CAST: variants seen among roughly 807,000 people sequenced by gnomAD.
CAST encodes the protein MIR583 host.
A neutral mutation model predicts 119.6 loss-of-function variants in CAST; 76 were observed. The observed-to-expected ratio is 0.64, with a 90% CI of 0.53 to 0.77. The LOEUF is 0.77. Ranked by LOEUF, CAST falls within the 30% of genes least tolerant of loss-of-function variation. The pLI, the probability that CAST is intolerant of heterozygous loss-of-function variation, is 0.00. For missense variants in CAST, 953 were observed against 946.5 expected, an observed-to-expected ratio of 1.01 and a Z score of -0.09; for synonymous variants, 319 against 331.6, an observed-to-expected ratio of 0.96 and a Z score of 0.41.
intron 1 of CAST, among the ~76,000 whole-genome samples, chr5:96,654,440 CA>C (rs1274486094): frequency 3.6e-4 from 55 of 152,140 alleles, no homozygotes; most frequent in Middle Eastern, 3.4e-3. Context: ...ATAATGAAAG[CA>C]AAAAAACCTC....
At chr5:96,615,862 A>C (rs1437559514) in intron 1 of CAST, among the ~76,000 whole-genome samples, 1 of 152,142 alleles carries the variant, frequency 6.6e-6, no homozygotes, top group African/African-American at 2.4e-5. Context: ...AAGGAGTATT[A>C]ACTCACATGG....
chr5:96,466,232 C>T, the CAST span, among the ~76,000 whole-genome samples: 1 of 152,110 alleles, frequency 6.6e-6, no homozygotes, highest in Non-Finnish European at 1.5e-5. Context: ...CTTTGTCCTT[C>T]TCTCCCCTCC....
chr5:96,221,779 A>T, the CAST span, among the ~76,000 whole-genome samples: 1 of 152,150 alleles, frequency 6.6e-6, no homozygotes, highest in Admixed American at 6.6e-5. Context: ...TTTAGAACAA[A>T]AAAAGAGCCA....
chr5:96,085,952 A>G, the CAST span, among the ~76,000 whole-genome samples: 2 of 149,690 alleles, frequency 1.3e-5, no homozygotes, highest in African/African-American at 4.9e-5. Flanking sequence ...ATATAGTGGT[A>G]TCATCATCCC....
chr5:96,260,966 G>T, the CAST span, among the ~76,000 whole-genome samples: 2 of 152,208 alleles, frequency 1.3e-5, no homozygotes, highest in African/African-American at 4.8e-5. Flanking sequence ...GTTACACAGA[G>T]CTAAAGACTA....
At chr5:96,156,679 C>G in the CAST span, among the ~76,000 whole-genome samples, 2 of 152,200 alleles carry the variant, frequency 1.3e-5, no homozygotes, top group East Asian at 3.8e-4. Flanking sequence ...TCAACTCACC[C>G]TCTGATCTTG....
At chr5:96,139,626 T>A in the CAST span, among the ~76,000 whole-genome samples, 1 of 151,540 alleles carries the variant, frequency 6.6e-6, no homozygotes, top group Admixed American at 6.6e-5. Context: ...TGTATTTTTT[T>A]CATTCTGGAA....
At chr5:96,152,487 G>C in the CAST span, among the ~76,000 whole-genome samples, 2 of 152,162 alleles carry the variant, frequency 1.3e-5, no homozygotes, top group Admixed American at 1.3e-4. Flanking sequence ...GGTCCTAGGA[G>C]AGGAAGACTG....
the CAST span, among the ~76,000 whole-genome samples, chr5:96,511,488 C>T: frequency 2.0e-5 from 3 of 152,148 alleles, no homozygotes; most frequent in Non-Finnish European, 4.4e-5. Flanking sequence ...TAGTATGATG[C>T]TAGCATATTG....
At chr5:96,063,792 G>A in the CAST span, among the ~76,000 whole-genome samples, 37 of 152,284 alleles carry the variant, frequency 2.4e-4, no homozygotes, top group East Asian at 6.9e-3. Context: ...AGGAAATTGA[G>A]GCAGAGAGTT....
At chr5:96,608,776 A>C (rs767053115) in intron 1 of CAST, among the ~76,000 whole-genome samples, 2 of 152,178 alleles carry the variant, frequency 1.3e-5, no homozygotes, top group African/African-American at 4.8e-5. Flanking sequence ...GAAAACTTAC[A>C]ATCATAGTGG....
the CAST span, among the ~76,000 whole-genome samples, chr5:96,071,433 C>T: frequency 5.3e-5 from 8 of 152,146 alleles, no homozygotes; most frequent in African/African-American, 1.9e-4. Flanking sequence ...CAGGCATGAA[C>T]CAGTTTCTCT....
the CAST span, among the ~76,000 whole-genome samples, chr5:96,175,593 G>A: frequency 5.8e-3 from 877 of 152,250 alleles, 9 homozygotes; most frequent in African/African-American, 0.019. Context: ...AAATTAATTG[G>A]GGTAACTTTA....
At chr5:96,317,309 C>CA in the CAST span, among the ~76,000 whole-genome samples, 38,659 of 103,888 alleles carry the variant, frequency 0.37, 6,090 homozygotes, top group Admixed American at 0.45. Context: ...ACCAAAAATA[C>CA]AAAAAAAAAA....
chr5:96,308,690 T>C, the CAST span: 1 of 152,258 alleles, frequency 6.6e-6, no homozygotes, highest in East Asian at 1.9e-4. Context: ...TGTTTGTTAG[T>C]TTTCCTTCTA....
upstream of CAST, among the ~76,000 whole-genome samples, chr5:96,659,730 G>A (rs574896253): frequency 2.0e-5 from 3 of 152,076 alleles, no homozygotes; most frequent in Admixed American, 6.5e-5. Flanking sequence ...GGGTTTCGTC[G>A]TGTTGCCCAG....
the CAST span, among the ~76,000 whole-genome samples, chr5:96,161,930 A>G: frequency 1.1e-4 from 17 of 152,328 alleles, no homozygotes; most frequent in Non-Finnish European, 1.9e-4. Context: ...TTGCTAGCAG[A>G]TAGAAATACG....
At chr5:96,413,983 A>G in the CAST span, among the ~76,000 whole-genome samples, 2 of 147,870 alleles carry the variant, frequency 1.4e-5, no homozygotes, top group Non-Finnish European at 3.0e-5. Flanking sequence ...AAAAAAAAAA[A>G]AAAAAATTAG....
chr5:96,402,818 T>A, the CAST span, among the ~76,000 whole-genome samples: 1 of 151,910 alleles, frequency 6.6e-6, no homozygotes, highest in African/African-American at 2.4e-5. Context: ...CCCTGGAGAG[T>A]GACTGACAGA....
Sources: gnomAD v4.1 joint callset for allele counts (sites outside exome capture counted in the v4.1 genomes callset) on GRCh38, gnomAD v4.1.1 for gene constraint, MANE v1.5 for transcripts, NCBI Gene and HGNC (gene_info 2026-07-23, HGNC 2026-07-21) for gene names.